PCCA: variants seen among roughly 807,000 people sequenced by gnomAD.
PCCA encodes the protein propionyl-CoA carboxylase subunit alpha.
Under a neutral mutation model 101.3 loss-of-function variants are expected in PCCA, and 74 were observed. The observed-to-expected ratio is 0.73, with a 90% confidence interval of 0.61 to 0.89. PCCA has a LOEUF of 0.89. Among genes scored for constraint, PCCA ranks in the 40% least tolerant of loss-of-function variants. The probability of loss-of-function intolerance (pLI) is 0.00; values close to 1 mark genes in which losing one functional copy is unlikely to be tolerated. For missense variants in PCCA, 891 were observed against 907.0 expected, an observed-to-expected ratio of 0.98 and a Z score of 0.23; for synonymous variants, 294 against 313.6, an observed-to-expected ratio of 0.94 and a Z score of 0.66.
chr13:100,185,037 C>G (rs938313105), intron 6 of PCCA, among the ~76,000 whole-genome samples: 1 of 152,196 alleles, frequency 6.6e-6, no homozygotes, highest in South Asian at 2.1e-4. Flanking sequence ...TACAGCTTTA[C>G]AAATTATTGT....
At chr13:100,372,001 G>C (rs376202253) in intron 19 of PCCA, among the ~76,000 whole-genome samples, 1 of 152,152 alleles carries the variant, frequency 6.6e-6, no homozygotes, top group African/African-American at 2.4e-5. Flanking sequence ...TAACCAAAAT[G>C]GATCAAAGAC....
At chr13:100,479,269 G>A (rs752098094) in intron 21 of PCCA, among the ~76,000 whole-genome samples, 18 of 152,216 alleles carry the variant, frequency 1.2e-4, no homozygotes, top group Non-Finnish European at 2.4e-4. Context: ...GAATCACTGA[G>A]TGTGGCACAG....
chr13:100,323,700 A>G lies in PCCA; in HGVS notation c.1430-6861A>G, dbSNP rs188675656. ...TAGGATGCAGGAAAACTTCTGTCTGATGTTTTATTAATTACATTTTGTCTC... is the reference window on the plus strand; with the variant it reads ...TAGGATGCAGGAAAACTTCTGTCTGGTGTTTTATTAATTACATTTTGTCTC... On this transcript the variant is annotated intron_variant, in intron 16 of 23. Transcript: ENST00000376285. Among the ~76,000 whole-genome samples, 331 of 152,254 alleles carry G rather than the reference A, an allele frequency of 2.2e-3. 3 individuals are homozygous for G. Among genetic ancestry groups the G allele is most frequent in the African/African-American group, 7.7e-3 (320 of 41,532 alleles).
intron 10 of PCCA, among the ~76,000 whole-genome samples, chr13:100,264,474 T>G (rs1018656266): frequency 1.3e-5 from 2 of 152,134 alleles, no homozygotes; most frequent in African/African-American, 2.4e-5. Context: ...GTTCTTAAAT[T>G]GCATAAATGA....
chr13:100,229,131 A>G (rs910316367), intron 7 of PCCA, among the ~76,000 whole-genome samples: 2 of 151,390 alleles, frequency 1.3e-5, no homozygotes, highest in Non-Finnish European at 2.9e-5. Context: ...GTAGAACTAT[A>G]TTTTTTAGAA....
chr13:100,266,172 C>T (rs1296502181), intron 10 of PCCA, among the ~76,000 whole-genome samples: 1 of 152,146 alleles, frequency 6.6e-6, no homozygotes, highest in Non-Finnish European at 1.5e-5. Flanking sequence ...GCTGTTTTAT[C>T]TTTAACTAGT....
At chr13:100,392,736 T>G (rs1416852186) in intron 19 of PCCA, among the ~76,000 whole-genome samples, 1 of 152,188 alleles carries the variant, frequency 6.6e-6, no homozygotes, top group Non-Finnish European at 1.5e-5. Context: ...ATGTTTCCAT[T>G]GTGTGAATAA....
intron 4 of PCCA, chr13:100,151,085 T>A (rs888078722): frequency 2.0e-6 from 3 of 1,510,278 alleles, no homozygotes; most frequent in Non-Finnish European, 2.7e-6. Flanking sequence ...GATGTACTCG[T>A]ATGCACCCAT....
At chr13:100,332,175 T>G (rs1468589473) in intron 17 of PCCA, among the ~76,000 whole-genome samples, 2 of 152,110 alleles carry the variant, frequency 1.3e-5, no homozygotes, top group Non-Finnish European at 2.9e-5. Context: ...CTTGACCTCG[T>G]GATCTGCCCG....
intron 19 of PCCA, among the ~76,000 whole-genome samples, chr13:100,400,200 C>A (rs2077257397): frequency 6.6e-6 from 1 of 152,138 alleles, no homozygotes; most frequent in Admixed American, 6.5e-5. Flanking sequence ...TTAAACCATT[C>A]TTTCTGTTTC....
intron 6 of PCCA, among the ~76,000 whole-genome samples, chr13:100,205,637 C>T (rs576473052): frequency 7.5e-4 from 109 of 145,246 alleles, no homozygotes; most frequent in African/African-American, 2.5e-3. Flanking sequence ...TGTTCCAGGT[C>T]GTTGGGCTCC....
intron 19 of PCCA, among the ~76,000 whole-genome samples, chr13:100,411,746 G>C (rs1216949056): frequency 1.3e-5 from 2 of 152,154 alleles, no homozygotes; most frequent in Non-Finnish European, 2.9e-5. Flanking sequence ...TTCATTCATG[G>C]CTGAGAGCAG....
chr13:100,493,132 G>A (rs1181710104), intron 21 of PCCA, among the ~76,000 whole-genome samples: 2 of 152,166 alleles, frequency 1.3e-5, no homozygotes, highest in Non-Finnish European at 2.9e-5. Context: ...CACTACCATG[G>A]GGCCAGAGCC....
chr13:100,392,901 C>T (rs764767852), intron 19 of PCCA, among the ~76,000 whole-genome samples: 1 of 151,504 alleles, frequency 6.6e-6, no homozygotes, highest in Non-Finnish European at 1.5e-5. Context: ...TTGAGTGACT[C>T]ACCCAGGGAA....
chr13:100,482,621 G>A (rs113377768), intron 21 of PCCA, among the ~76,000 whole-genome samples: 3,109 of 152,242 alleles, frequency 0.02, 114 homozygotes, highest in African/African-American at 0.072. Context: ...GAGAGCGTTC[G>A]CTCGTTCCCC....
At chr13:100,123,740 G>A (rs1356443080) in intron 4 of PCCA, among the ~76,000 whole-genome samples, 3 of 152,118 alleles carry the variant, frequency 2.0e-5, no homozygotes. Context: ...TACATTGTAA[G>A]TCAGCAAGAA....
At chr13:100,403,426 G>A (rs1369517331) in intron 19 of PCCA, among the ~76,000 whole-genome samples, 1 of 152,146 alleles carries the variant, frequency 6.6e-6, no homozygotes, top group Non-Finnish European at 1.5e-5. Context: ...AAGCATAGCA[G>A]CATCTGCTTC....
intron 22 of PCCA, among the ~76,000 whole-genome samples, chr13:100,524,374 CGTGT>C (rs1210676697): frequency 0.015 from 2,128 of 139,150 alleles, 46 homozygotes; most frequent in African/African-American, 0.052. Flanking sequence ...CAATTAAGCT[CGTGT>C]GTGTGTGTGT....
chr13:100,461,790 G>A (rs1373042340), intron 21 of PCCA, among the ~76,000 whole-genome samples: 1 of 152,178 alleles, frequency 6.6e-6, no homozygotes, highest in Non-Finnish European at 1.5e-5. Context: ...TGGGTCATCT[G>A]GCTGAGTTGG....
Sources: allele counts gnomAD v4.1 joint callset (sites outside exome capture counted in the v4.1 genomes callset), GRCh38; gene constraint gnomAD v4.1.1; transcripts MANE v1.5; gene names NCBI Gene and HGNC (gene_info 2026-07-23, HGNC 2026-07-21).